The following CDK19 variants were observed in gnomAD, a reference collection of about 807,000 sequenced individuals.
CDK19 encodes cyclin-dependent kinase 19.
Under a neutral mutation model 68.3 loss-of-function variants are expected in CDK19, and 20 were observed. The ratio of observed to expected loss-of-function variants is 0.29; its 90% CI spans 0.21 to 0.43. The LOEUF is 0.43. Among genes scored for constraint, CDK19 ranks in the 20% least tolerant of loss-of-function variants. The pLI is 1.00. For missense variants in CDK19, 339 were observed against 623.5 expected (o/e 0.54, Z 4.86); for synonymous variants, 221 against 222.8 (o/e 0.99, Z 0.07).
At chr6:110,638,780 T>C (rs1779945412) in intron 4 of CDK19, 74 bp from the exon 5 acceptor site, 1 of 812,672 alleles carries the variant, frequency 1.2e-6, no homozygotes, top group African/African-American at 1.7e-5. Flanking sequence ...GAAAAGTTCT[T>C]ATCATATAAA....
chr6:110,693,422 T>C (rs1773196697), intron 2 of CDK19, among the ~76,000 whole-genome samples: 1 of 152,200 alleles, frequency 6.6e-6, no homozygotes, highest in African/African-American at 2.4e-5. Flanking sequence ...GAAAGAGCCC[T>C]GCAGGCACTC....
intron 8 of CDK19, 36 bp downstream of exon 8, chr6:110,626,740 A>G (rs1333451802): frequency 8.2e-7 from 1 of 1,217,072 alleles, no homozygotes; most frequent in African/African-American, 1.5e-5. Flanking sequence ...TTTTTATAGC[A>G]GCACAAAAAG....
At chr6:110,746,068 A>G in intron 2 of CDK19, 58 bp downstream of exon 2, 2 of 847,790 alleles carry the variant, frequency 2.4e-6, no homozygotes, top group Non-Finnish European at 3.6e-6. Flanking sequence ...TTTATATTAA[A>G]ATAAATCATC....
chr6:110,729,842 T>C (rs990836447), intron 2 of CDK19, among the ~76,000 whole-genome samples: 4 of 152,136 alleles, frequency 2.6e-5, no homozygotes, highest in African/African-American at 9.7e-5. Flanking sequence ...ACTCCTGGGC[T>C]CAAGCAATCC....
chr6:110,766,736 A>G (rs1779617300), intron 1 of CDK19, among the ~76,000 whole-genome samples: 1 of 152,190 alleles, frequency 6.6e-6, no homozygotes, highest in Non-Finnish European at 1.5e-5. Flanking sequence ...GCAATGGCTC[A>G]TGCCTGTAAT....
intron 9 of CDK19, 44 bp downstream of exon 9, chr6:110,623,246 T>C (rs377220168): frequency 1.2e-5 from 18 of 1,509,832 alleles, no homozygotes; most frequent in Non-Finnish European, 1.6e-5. Flanking sequence ...GAAGGCGAGA[T>C]TTGTGCTGAG....
At chr6:110,776,954 G>A (rs930276903) in intron 1 of CDK19, among the ~76,000 whole-genome samples, 1 of 152,168 alleles carries the variant, frequency 6.6e-6, no homozygotes. Flanking sequence ...ATGAGACACA[G>A]GGAATTTAAG....
At chr6:110,794,134 C>T (rs1285601318) in intron 1 of CDK19, among the ~76,000 whole-genome samples, 1 of 152,020 alleles carries the variant, frequency 6.6e-6, no homozygotes, top group Non-Finnish European at 1.5e-5. Context: ...CAACCTCTGC[C>T]TCCCAGGTTC....
chr6:110,706,647 T>G (rs890653672), intron 2 of CDK19: 1 of 149,574 alleles, frequency 6.7e-6, no homozygotes, highest in Non-Finnish European at 1.5e-5. Context: ...TCTCCTGACC[T>G]TGTGATCCAC....
intron 2 of CDK19, among the ~76,000 whole-genome samples, chr6:110,705,719 G>C (rs888324669): frequency 1.3e-5 from 2 of 152,254 alleles, no homozygotes; most frequent in Non-Finnish European, 2.9e-5. Context: ...AACAATTTCA[G>C]TATTAAGAGA....
intron 2 of CDK19, among the ~76,000 whole-genome samples, chr6:110,718,103 C>T (rs1460962975): frequency 2.0e-5 from 3 of 152,148 alleles, no homozygotes; most frequent in Non-Finnish European, 4.4e-5. Flanking sequence ...CCCAATCTGC[C>T]GGCACCTTGA....
intron 1 of CDK19, among the ~76,000 whole-genome samples, chr6:110,752,476 T>C (rs930189160): frequency 1.3e-5 from 2 of 152,178 alleles, no homozygotes; most frequent in African/African-American, 4.8e-5. Flanking sequence ...ATTATTTTGT[T>C]TTCTTCTTAT....
chr6:110,781,349 G>T (rs1052891763), intron 1 of CDK19, among the ~76,000 whole-genome samples: 2 of 152,256 alleles, frequency 1.3e-5, no homozygotes, highest in East Asian at 3.9e-4. Context: ...GATAGAGCAA[G>T]AATTCACTCA....
In CDK19 at chr6:110,752,160, T is replaced by C. The variant is rs9386945; in HGVS notation, c.129-5959A>G. On this transcript the variant is annotated intron_variant, in intron 1 of 12. Coordinates refer to ENST00000368911, the MANE Select transcript of CDK19 (RefSeq NM_015076.5). Reference sequence around the variant, plus strand: ...CAGCCTAGTAGTAATGATCCCTTATTTGGAAACAGTATTCTTTATTACATA... The same window carrying C: ...CAGCCTAGTAGTAATGATCCCTTATCTGGAAACAGTATTCTTTATTACATA... Among the ~76,000 whole-genome samples the C allele has an allele frequency of 0.022, 3,296 of 152,286 alleles. 366 individuals carry two copies. In the East Asian group the frequency reaches 0.35, roughly 16 times the overall value.
intron 1 of CDK19, among the ~76,000 whole-genome samples, chr6:110,763,423 T>G (rs1278191212): frequency 2.0e-5 from 3 of 149,438 alleles, no homozygotes; most frequent in Admixed American, 2.0e-4. Context: ...TGTTTTTTTT[T>G]TTTTTTTTTT....
At chr6:110,651,972 T>C (rs1781000099) in intron 4 of CDK19, among the ~76,000 whole-genome samples, 1 of 151,876 alleles carries the variant, frequency 6.6e-6, no homozygotes, top group African/African-American at 2.4e-5. Flanking sequence ...GATGAAAGAT[T>C]CTGTGAAGGG....
At chr6:110,770,646 C>A (rs1369306946) in intron 1 of CDK19, among the ~76,000 whole-genome samples, 1 of 152,156 alleles carries the variant, frequency 6.6e-6, no homozygotes, top group Middle Eastern at 3.2e-3. Context: ...CAAAACCAAT[C>A]ATGCCTTCCC....
intron 12 of CDK19, among the ~76,000 whole-genome samples, chr6:110,620,339 T>C (rs2114610751): frequency 6.6e-6 from 1 of 152,242 alleles, no homozygotes; most frequent in East Asian, 1.9e-4. Flanking sequence ...TATGCACTCA[T>C]CTGCAAGAGT....
intron 1 of CDK19, among the ~76,000 whole-genome samples, chr6:110,794,546 C>G (rs551428712): frequency 1.3e-5 from 2 of 151,204 alleles, no homozygotes; most frequent in African/African-American, 2.4e-5. Context: ...GGACTACAGG[C>G]GCCCACCACC....
Sources: gnomAD v4.1 joint callset for allele counts (sites outside exome capture counted in the v4.1 genomes callset) on GRCh38, gnomAD v4.1.1 for gene constraint, MANE v1.5 for transcripts, NCBI Gene and HGNC (gene_info 2026-07-23, HGNC 2026-07-21) for gene names.